Variants in FRAS1 observed in about 807,000 individuals in gnomAD.
FRAS1 encodes Fraser extracellular matrix complex subunit 1.
FRAS1 carries 290 observed loss-of-function variants against 435.2 expected under a neutral mutation model. That is an observed-to-expected ratio of 0.67 (90% CI 0.61 to 0.73). The LOEUF (loss-of-function observed/expected upper bound fraction) is 0.73, where lower values mean the gene tolerates loss of function less well. Among genes scored for constraint, FRAS1 ranks in the 30% least tolerant of loss-of-function variants. The pLI is 0.00. For synonymous variants in FRAS1, 1,800 were observed against 1,851.0 expected (o/e 0.97, Z 0.71); for missense variants, 4,860 against 5,001.5 (o/e 0.97, Z 0.85).
At position 78,415,316 on chromosome 4, in the gene FRAS1, G is replaced by A. The variant is rs189988381; in HGVS notation, c.4425+2231G>A. 1.1e-4 allele frequency among the ~76,000 whole-genome samples: 17 copies of A among 152,064 alleles called. 1 individual carries two copies. The highest frequency in any genetic ancestry group is 9.7e-4 in the East Asian group (5 of 5,172). On this transcript the variant is annotated intron_variant, in intron 32 of 73. Transcript: ENST00000512123. The stretch of plus-strand genomic sequence containing the variant: ...CAAAATCTCACGCATCACAACTAAG[G>A]AACTTACTCATGTAACCAAATACCA...
At position 78,099,646 on chromosome 4, in the gene FRAS1, T is replaced by C. The variant is rs1322760060; in HGVS notation, c.108+33630T>C. Among the ~76,000 whole-genome samples the C allele has an allele frequency of 1.3e-5, 2 of 151,590 alleles. 1 individual carries two copies. Among genetic ancestry groups the C allele is most frequent in the South Asian group, 4.2e-4 (2 of 4,810 alleles). ...CTGTGAGAAAACCCTGGCCAGAGAG[T>C]TTTTTGCACCAGGTCACATACAGTG... On this transcript the variant is annotated intron_variant, in intron 2 of 73. Coordinates refer to ENST00000512123, the MANE Select transcript of FRAS1 (RefSeq NM_025074.7).
At chr4:78,444,451 T>A (rs979204529) in intron 41 of FRAS1, among the ~76,000 whole-genome samples, 1 of 152,192 alleles carries the variant, frequency 6.6e-6, no homozygotes, top group African/African-American at 2.4e-5. Flanking sequence ...CTGTCTATAA[T>A]TCAGGAAGTT....
intron 14 of FRAS1, among the ~76,000 whole-genome samples, chr4:78,287,217 AACTC>A (rs1727653795): frequency 6.6e-6 from 1 of 152,102 alleles, no homozygotes; most frequent in Admixed American, 6.5e-5. Context: ...ATCTCATGAG[AACTC>A]ACTCACTATC....
At position 78,386,961 on chromosome 4, in the gene FRAS1, G is replaced by C. The variant is rs1054765062; in HGVS notation, c.3649-414G>C. Among the ~76,000 whole-genome samples, 5 of 152,134 alleles carry C rather than the reference G, an allele frequency of 3.3e-5. No individual in the cohort carries two copies. The South Asian group carries it at 8.3e-4, about 25-fold the overall frequency. ...ACTAGAAACAGCATGAGCTCAGGATGCAAAAGTAGCTTCCTCAGAGTCAGT... is the reference window on the plus strand; with the variant it reads ...ACTAGAAACAGCATGAGCTCAGGATCCAAAAGTAGCTTCCTCAGAGTCAGT... On this transcript the variant is annotated intron_variant, in intron 28 of 73. Transcript: ENST00000512123.
intron 2 of FRAS1, among the ~76,000 whole-genome samples, chr4:78,124,599 G>T (rs1368162813): frequency 6.6e-6 from 1 of 152,138 alleles, no homozygotes; most frequent in East Asian, 1.9e-4. Context: ...AATCTGTCTG[G>T]TCCTGGACTT....
At position 78,489,083 on chromosome 4, in the gene FRAS1, A is replaced by G. The variant is rs1357316396; in HGVS notation, c.8958+3A>G. ...TTACATTTCTCAAAGGGGACAAAGT[A>G]AGTGGATTGGTGGTGGCTGAAAGAT... On this transcript the variant is annotated splice_donor_region_variant and intron_variant, in intron 59 of 73. Transcript: ENST00000512123. The G allele has an allele frequency of 6.2e-7, 1 of 1,609,712 alleles. No individual in the cohort carries two copies. Among genetic ancestry groups the G allele is most frequent in the South Asian group, 1.1e-5 (1 of 90,990 alleles).
chr4:78,446,178 C>A, intron 42 of FRAS1: 1 of 1,001,642 alleles, frequency 1.0e-6, no homozygotes, highest in South Asian at 4.6e-5. Flanking sequence ...GAGAGAGACA[C>A]AGGGGAGGGG....
intron 2 of FRAS1, among the ~76,000 whole-genome samples, chr4:78,224,204 G>A (rs944655220): frequency 2.2e-4 from 33 of 152,298 alleles, no homozygotes; most frequent in African/African-American, 7.5e-4. Context: ...CTCAAAACTG[G>A]TGAAAGCTGT....
rs1542822 is a variant in FRAS1, at chr4:78,522,204, A to G, written c.10649-445A>G. On this transcript the variant is annotated intron_variant, in intron 68 of 73. Coordinates refer to ENST00000512123, the MANE Select transcript of FRAS1 (RefSeq NM_025074.7). ...CCCTTTTAATGATGTTTATAATTAT[A>G]CCCTTCTACCAAGGACTTCAATGGC... Among the ~76,000 whole-genome samples the G allele has an allele frequency of 5.3e-5, 8 of 152,274 alleles. 1 individual carries two copies. The highest frequency in any genetic ancestry group is 3.9e-4 in the East Asian group (2 of 5,178).
intron 2 of FRAS1, among the ~76,000 whole-genome samples, chr4:78,185,993 A>T (rs951597528): frequency 2.6e-5 from 4 of 152,216 alleles, no homozygotes; most frequent in African/African-American, 9.6e-5. Context: ...ACTCCAAAAA[A>T]CACTTAACCT....
intron 44 of FRAS1, among the ~76,000 whole-genome samples, chr4:78,449,269 A>G (rs182329109): frequency 6.6e-6 from 1 of 152,282 alleles, no homozygotes; most frequent in African/African-American, 2.4e-5. Flanking sequence ...TTTCGTGTGC[A>G]GTAGGATGCA....
At chr4:78,089,173 G>A (rs1395689690) in intron 2 of FRAS1, among the ~76,000 whole-genome samples, 1 of 150,618 alleles carries the variant, frequency 6.6e-6, no homozygotes, top group South Asian at 2.1e-4. Context: ...GCAAACTATC[G>A]CAAGGACAAA....
intron 33 of FRAS1, among the ~76,000 whole-genome samples, chr4:78,420,916 A>ATATATT (rs1403143949): frequency 2.4e-5 from 3 of 122,638 alleles, no homozygotes; most frequent in Admixed American, 2.4e-4. Flanking sequence ...ATATATATAT[A>ATATATT]TATATTTATA....
At chr4:78,434,920 T>C (rs1346487532) in intron 38 of FRAS1, among the ~76,000 whole-genome samples, 1 of 152,070 alleles carries the variant, frequency 6.6e-6, no homozygotes, top group Non-Finnish European at 1.5e-5. Flanking sequence ...GCCATATTCA[T>C]GAGTAGGAAC....
At chr4:78,165,681 G>A (rs1721306247) in intron 2 of FRAS1, among the ~76,000 whole-genome samples, 1 of 152,176 alleles carries the variant, frequency 6.6e-6, no homozygotes, top group African/African-American at 2.4e-5. Flanking sequence ...ATTGGGCTTG[G>A]CCATTCTGCA....
At chr4:78,393,297 A>G (rs1732524814) in intron 29 of FRAS1, among the ~76,000 whole-genome samples, 1 of 152,094 alleles carries the variant, frequency 6.6e-6, no homozygotes, top group Non-Finnish European at 1.5e-5. Flanking sequence ...ACTATGCTAT[A>G]TAGTAGGTCT....
intron 18 of FRAS1, among the ~76,000 whole-genome samples, chr4:78,324,728 T>A (rs1729649717): frequency 1.4e-5 from 2 of 147,918 alleles, no homozygotes; most frequent in South Asian, 2.2e-4. Context: ...TTTTTTTTTT[T>A]TTTCTGCATG....
At chr4:78,123,630 G>C (rs938393145) in intron 2 of FRAS1, among the ~76,000 whole-genome samples, 1 of 152,124 alleles carries the variant, frequency 6.6e-6, no homozygotes, top group African/African-American at 2.4e-5. Context: ...TTTTCCATTT[G>C]TTTGTGTCCT....
At chr4:78,446,620 T>A in intron 42 of FRAS1, 107 bp from the exon 43 acceptor site, 1 of 1,444,900 alleles carries the variant, frequency 6.9e-7, no homozygotes, top group Non-Finnish European at 9.0e-7. Flanking sequence ...CATTAAATGC[T>A]ATTTTGAGGT....
Sources: allele counts gnomAD v4.1 joint callset (sites outside exome capture counted in the v4.1 genomes callset), GRCh38; gene constraint gnomAD v4.1.1; transcripts MANE v1.5; gene names NCBI Gene and HGNC (gene_info 2026-07-23, HGNC 2026-07-21).